The following PCDHGA1 variants were observed in gnomAD, a reference collection of about 807,000 sequenced individuals.
PCDHGA1 encodes the protein protocadherin gamma-A1.
A neutral mutation model predicts 58.0 loss-of-function variants in PCDHGA1; 32 were observed. That is an observed-to-expected ratio of 0.55 (90% CI 0.42 to 0.74). The LOEUF is 0.74. Ranked by LOEUF, PCDHGA1 falls within the 30% of genes least tolerant of loss-of-function variation. The pLI is 0.00. For missense variants in PCDHGA1, 1,205 were observed against 1,182.3 expected (o/e 1.02, Z -0.28); for synonymous variants, 498 against 501.1 (o/e 0.99, Z 0.08).
intron 1 of PCDHGA1, among the ~76,000 whole-genome samples, chr5:141,407,444 C>G (rs578101282): frequency 6.7e-6 from 1 of 150,116 alleles, no homozygotes; most frequent in South Asian, 2.1e-4. Flanking sequence ...AAAACCAGAA[C>G]ACGAGGCTCA....
At chr5:141,416,794 G>A (rs1002101061) in intron 1 of PCDHGA1, 1 of 152,070 alleles carries the variant, frequency 6.6e-6, no homozygotes, top group East Asian at 1.9e-4. Flanking sequence ...ACTAAATGTG[G>A]TAGTATAAAG....
At chr5:141,370,460 C>G (rs373931690) in intron 1 of PCDHGA1, 43 of 1,612,562 alleles carry the variant, frequency 2.7e-5, no homozygotes, top group East Asian at 4.5e-5. Flanking sequence ...TCTTCCTGCT[C>G]TCTTTGTTAG....
At chr5:141,340,720 G>T (rs1325289981) in intron 1 of PCDHGA1, 2 of 1,614,068 alleles carry the variant, frequency 1.2e-6, no homozygotes, top group Middle Eastern at 1.7e-4. Context: ...GCTCCGCAGA[G>T]CCCGGCTACC....
Position 141,376,131 on chromosome 5 carries a change from A to T in PCDHGA1, c.2421+43026A>T, listed in dbSNP as rs200974904. ...CTGGGCAGCCTCGAGCCCTCCGCCA[A>T]ACCCAACGATTCGGACCTCACTCTG... On this transcript the variant is annotated intron_variant, in intron 1 of 3. Transcript: ENST00000517417. 6.9e-4 allele frequency: 1,114 copies of T among 1,613,772 alleles called. 8 individuals carry two copies. Among genetic ancestry groups the T allele is most frequent in the South Asian group, 4.3e-3 (393 of 91,038 alleles).
chr5:141,339,590 G>A, intron 1 of PCDHGA1: 1 of 1,614,204 alleles, frequency 6.2e-7, no homozygotes, highest in Non-Finnish European at 8.5e-7. Context: ...GGAAGAGGCT[G>A]TTCACCACCT....
At chr5:141,428,407 T>C in intron 1 of PCDHGA1, 1 of 470,350 alleles carries the variant, frequency 2.1e-6, no homozygotes, top group South Asian at 2.0e-5. Context: ...CTGGGGTTGC[T>C]TTCACCCTGG....
At chr5:141,464,816 G>A (rs11167751) in intron 1 of PCDHGA1, among the ~76,000 whole-genome samples, 42,470 of 151,904 alleles carry the variant, frequency 0.28, 6,668 homozygotes, top group African/African-American at 0.43. Context: ...ATAGCTCACT[G>A]TAGCCTCGCA....
chr5:141,421,902 C>A (rs1218675162), intron 1 of PCDHGA1: 1 of 1,613,706 alleles, frequency 6.2e-7, no homozygotes, highest in East Asian at 2.2e-5. Context: ...TCCGAAAGGG[C>A]GCAGTTCCCA....
chr5:141,388,903 A>G (rs910200040), intron 1 of PCDHGA1: 14 of 1,614,010 alleles, frequency 8.7e-6, no homozygotes, highest in Non-Finnish European at 1.2e-5. Flanking sequence ...GATGAAAATG[A>G]CAACGCCCCA....
At chr5:141,423,384 C>G (rs1196881147) in intron 1 of PCDHGA1, 1 of 1,614,054 alleles carries the variant, frequency 6.2e-7, no homozygotes, top group Non-Finnish European at 8.5e-7. Context: ...GGCTGTGGCG[C>G]TGGCATAAGT....
intron 1 of PCDHGA1, chr5:141,419,876 C>T (rs1219393740): frequency 1.4e-5 from 23 of 1,614,084 alleles, no homozygotes; most frequent in Non-Finnish European, 1.9e-5. Flanking sequence ...AGAGGTACTG[C>T]CGGATTTCAG....
intron 1 of PCDHGA1, chr5:141,402,801 G>T (rs1218765657): frequency 1.2e-5 from 13 of 1,078,506 alleles, no homozygotes; most frequent in Non-Finnish European, 1.7e-5. Context: ...CACAAAACCC[G>T]GCAGATACCA....
At chr5:141,351,925 G>A (rs763243982) in intron 1 of PCDHGA1, 1 of 1,613,190 alleles carries the variant, frequency 6.2e-7, no homozygotes, top group African/African-American at 1.3e-5. Context: ...ATGACAATGC[G>A]CCACGGGTGC....
At chr5:141,346,459 T>C in intron 1 of PCDHGA1, 1 of 1,614,154 alleles carries the variant, frequency 6.2e-7, no homozygotes, top group South Asian at 1.1e-5. Flanking sequence ...CTACTTCAGG[T>C]GAGTTTATTT....
chr5:141,510,833 C>G, intron 3 of PCDHGA1, 114 bp from the exon 4 acceptor site: 2 of 1,577,796 alleles, frequency 1.3e-6, no homozygotes, highest in Admixed American at 1.7e-5. Context: ...CAGTGCTCAG[C>G]GTGGTCAAGG....
rs1275109387 is a variant in PCDHGA1 at position 141,431,924 on chromosome 5, A to G, written c.2422-62883A>G. The G allele has an allele frequency of 1.1e-5, 17 of 1,614,050 alleles. No homozygotes were observed. Among genetic ancestry groups the G allele is most frequent in the Non-Finnish European group, 1.4e-5 (17 of 1,179,982 alleles). On this transcript the variant is annotated intron_variant, in intron 1 of 3. Coordinates refer to ENST00000517417, the MANE Select transcript of PCDHGA1 (RefSeq NM_018912.3). The surrounding 1 kb of genome is among the most constrained non-coding windows in gnomAD (Gnocchi z 4.8). ...ACAGGTGATCTGTTTCATCCAAGGA[A>G]ATCTGCCCTTTAAATTAGAAAAATC... is the stretch of plus-strand genomic sequence containing the variant.
intron 1 of PCDHGA1, chr5:141,419,150 C>T (rs1276109093): frequency 1.2e-6 from 2 of 1,613,850 alleles, no homozygotes; most frequent in Admixed American, 3.3e-5. Flanking sequence ...GGGCAAGCCT[C>T]CGTTATCCTC....
intron 1 of PCDHGA1, chr5:141,440,191 A>G (rs1239698049): frequency 1.3e-5 from 2 of 152,376 alleles, no homozygotes; most frequent in African/African-American, 4.8e-5. Context: ...GTTGAAGGCC[A>G]GGCATGGTGG....
chr5:141,356,479 C>T (rs751078238), intron 1 of PCDHGA1: 1 of 1,613,936 alleles, frequency 6.2e-7, no homozygotes. Context: ...TGCCACTGAC[C>T]AGGGAACTCC....
Sources: gnomAD v4.1 joint callset for allele counts (sites outside exome capture counted in the v4.1 genomes callset) on GRCh38, gnomAD v4.1.1 for gene constraint, Gnocchi (gnomAD v3.1) non-coding constraint, MANE v1.5 for transcripts, NCBI Gene and HGNC (gene_info 2026-07-23, HGNC 2026-07-21) for gene names.